Variants in GANC observed in about 807,000 individuals in gnomAD.
The protein encoded by GANC is glucosidase alpha, neutral C.
In GANC, 117 loss-of-function variants were observed where a neutral mutation model predicts 124.2. The ratio of observed to expected loss-of-function variants is 0.94; its 90% CI spans 0.81 to 1.10. GANC has a LOEUF of 1.10. Among genes scored for constraint, GANC ranks in the 50% least tolerant of loss-of-function variants. GANC has a pLI of 0.00. For missense variants in GANC, 1,140 were observed against 1,095.0 expected (o/e 1.04, Z -0.58); for synonymous variants, 377 against 376.8 (o/e 1.00, Z -0.01).
chr15:42,273,221 T>C lies in GANC; in HGVS notation c.-1261T>C, dbSNP rs372089086. 304 of 1,612,786 alleles carry C rather than the reference T, an allele frequency of 1.9e-4. 3 individuals are homozygous for C. The South Asian group carries it at 2.2e-3, about 12-fold the overall frequency. On this transcript the variant is annotated 5_prime_UTR_variant, in exon 1 of 24. Transcript: ENST00000318010. Reference sequence around the variant, plus strand: ...CCGCCGTAGCCCCACCCCTTGCTCCTCTAGGTTCAGACGTTAGTGAAGTGA... The same window carrying C: ...CCGCCGTAGCCCCACCCCTTGCTCCCCTAGGTTCAGACGTTAGTGAAGTGA...
intron 6 of GANC, among the ~76,000 whole-genome samples, chr15:42,298,315 G>A (rs2051910968): frequency 6.6e-6 from 1 of 152,158 alleles, no homozygotes; most frequent in Non-Finnish European, 1.5e-5. Context: ...ATGTAACGAG[G>A]CTAGAAAGAC....
At chr15:42,349,592 A>G (rs1011509720) in intron 22 of GANC, 97 bp downstream of exon 22, 12 of 743,428 alleles carry the variant, frequency 1.6e-5, no homozygotes, top group Admixed American at 7.0e-5. Flanking sequence ...TTAAGTTACT[A>G]TTTAAAGAAA....
At chr15:42,333,206 T>C (rs1174057904) in intron 15 of GANC, among the ~76,000 whole-genome samples, 1 of 151,464 alleles carries the variant, frequency 6.6e-6, no homozygotes, top group African/African-American at 2.4e-5. Flanking sequence ...CACATGCCTG[T>C]AGTCCCAGCT....
chr15:42,345,891 G>T, intron 20 of GANC, 59 bp downstream of exon 20: 1 of 1,213,812 alleles, frequency 8.2e-7, no homozygotes. Context: ...GGCTAGGGCT[G>T]CCATGACAAA....
chr15:42,346,870 GC>G (rs1420946924), intron 20 of GANC, among the ~76,000 whole-genome samples: 1 of 152,058 alleles, frequency 6.6e-6, no homozygotes, highest in African/African-American at 2.4e-5. Context: ...ACTACTACAG[GC>G]CCAAAGTAGT....
chr15:42,329,437 C>T lies in GANC; in HGVS notation c.1632C>T (p.Tyr544=), dbSNP rs778286123. 2.1e-5 allele frequency: 33 copies of T among 1,608,786 alleles called. No individual in the cohort carries two copies. Among genetic ancestry groups the T allele is most frequent in the African/African-American group, 6.7e-5 (5 of 74,650 alleles). The change falls in exon 14 of 24, where the codon TAC becomes TAT. Residue 544 remains tyrosine (Y), a synonymous_variant. Coordinates refer to ENST00000318010, the MANE Select transcript of GANC (RefSeq NM_198141.3). ...AGCACAGAGAGCTCCACAACATCTA[C>T]GGTTTTTATCATGTAAGACATCCAA... is the stretch of plus-strand genomic sequence containing the variant. ...NWEHRELHNI[Y]GFYHQMATAE...
At position 42,329,743 on chromosome 15, in the gene GANC, A is replaced by G. The variant is rs995919936; in HGVS notation, c.1644+294A>G. Among the ~76,000 whole-genome samples the G allele has an allele frequency of 3.9e-5, 6 of 152,334 alleles. No individual in the cohort carries two copies. The East Asian group carries it at 1.2e-3, about 29-fold the overall frequency. On this transcript the variant is annotated intron_variant, in intron 14 of 23. Transcript: ENST00000318010. ...TAATAAGTGGCACTCACTGGCCACT[A>G]CCTCAAACTTTTATTGATGCAAGCA...
rs753891439 is a variant in GANC, at chr15:42,326,266, G to A, written c.1294-32G>A. 4.7e-6 allele frequency: 7 copies of A among 1,496,194 alleles called. No homozygotes were observed. The South Asian group carries it at 8.0e-5, about 17-fold the overall frequency. The allele number at this position is 1,496,194 out of a possible 1,614,324, so 92.7% of individuals were successfully genotyped here. A position where few individuals can be genotyped will look rare whatever the true frequency, so the allele number is the denominator to read the frequency against. On this transcript the variant is annotated intron_variant, in intron 11 of 23. Transcript: ENST00000318010. ...GTGAACATTTGTCTTACATAAAACTGATGAGACCTCCAAACCTTCATGTCC... is the reference window on the plus strand; with the variant it reads ...GTGAACATTTGTCTTACATAAAACTAATGAGACCTCCAAACCTTCATGTCC...
chr15:42,307,274 C>T (rs369595979), intron 7 of GANC, among the ~76,000 whole-genome samples: 2 of 151,960 alleles, frequency 1.3e-5, no homozygotes, highest in South Asian at 2.1e-4. Context: ...CAGAATGCCC[C>T]AAATTAAAAG....
chr15:42,284,053 A>G (rs562120121), intron 3 of GANC: 1 of 698,058 alleles, frequency 1.4e-6, no homozygotes, highest in Admixed American at 2.0e-5. Context: ...CACAGCTGGT[A>G]GAGGTGGCCA....
intron 10 of GANC, among the ~76,000 whole-genome samples, chr15:42,316,369 TGC>T (rs2052101981): frequency 6.6e-6 from 1 of 152,068 alleles, no homozygotes; most frequent in Non-Finnish European, 1.5e-5. Flanking sequence ...TGATATTTAT[TGC>T]ATACAAGACA....
chr15:42,338,616 T>G, intron 16 of GANC, 126 bp downstream of exon 16: 5 of 706,356 alleles, frequency 7.1e-6, no homozygotes, highest in Non-Finnish European at 1.2e-5. Context: ...AAAGAAAAAA[T>G]GTGAGAAAGT....
At position 42,274,316 on chromosome 15, in the gene GANC, G is replaced by A; in HGVS notation, c.-166G>A. On this transcript the variant is annotated 5_prime_UTR_variant, in exon 1 of 24. Transcript: ENST00000318010. ...GGCCTGAAAAATTCCAGGAGCAAGA[G>A]TCAAGATTTGTCACTCCATGAGAAT... 1 of 684,360 alleles carries A rather than the reference G, an allele frequency of 1.5e-6. No homozygotes were observed. The highest frequency in any genetic ancestry group is 2.5e-6 in the Non-Finnish European group (1 of 401,026). The allele number at this position is 684,360 out of a possible 1,614,324, so 42.4% of individuals were successfully genotyped here. A position where few individuals can be genotyped will look rare whatever the true frequency, so the allele number is the denominator to read the frequency against.
At chr15:42,310,970 T>C in intron 10 of GANC, 124 bp downstream of exon 10, 1 of 1,044,500 alleles carries the variant, frequency 9.6e-7, no homozygotes, top group Non-Finnish European at 1.4e-6. Flanking sequence ...AGCATTTTAA[T>C]TAGCAAGCAT....
intron 6 of GANC, among the ~76,000 whole-genome samples, chr15:42,298,798 A>G (rs1162354812): frequency 1.3e-5 from 2 of 152,092 alleles, no homozygotes; most frequent in Admixed American, 1.3e-4. Flanking sequence ...CTGTATTCCT[A>G]GGTATTTTAT....
At chr15:42,313,932 A>G in intron 10 of GANC, 4 of 608,762 alleles carry the variant, frequency 6.6e-6, no homozygotes, top group Non-Finnish European at 1.2e-5. Flanking sequence ...CGCCTAGACA[A>G]CAGAGCGAGA....
At chr15:42,301,303 T>C (rs4924655) in intron 6 of GANC, among the ~76,000 whole-genome samples, 138,409 of 152,198 alleles carry the variant, frequency 0.91, 64,304 homozygotes, top group Non-Finnish European at 1. Flanking sequence ...TGAGAGACTG[T>C]GCTGTGAGGA....
In GANC at chr15:42,322,014, G is replaced by T; in HGVS notation, c.1287G>T (p.Lys429Asn). 6.2e-7 allele frequency: 1 copy of T among 1,609,342 alleles called. No individual in the cohort carries two copies. The highest frequency in any genetic ancestry group is 1.7e-5 in the Admixed American group (1 of 59,104). Residue 429 changes from lysine to asparagine, a missense_variant, in exon 11 of 24, where the codon AAG (lysine) becomes AAT (asparagine). Coordinates refer to ENST00000318010, the MANE Select transcript of GANC (RefSeq NM_198141.3). ...KRMQELLRSK[K>N]RKLVVISDPH... ...TGCAAGAGCTGCTCAGGAGCAAAAA[G>T]CGTAAGGTAAAATAAGCCAACATTT...
intron 3 of GANC, among the ~76,000 whole-genome samples, chr15:42,280,077 C>G (rs1387043297): frequency 6.6e-6 from 1 of 152,186 alleles, no homozygotes; most frequent in Non-Finnish European, 1.5e-5. Flanking sequence ...AGAATCATAT[C>G]AACAGTTCTG....
Sources: gnomAD v4.1 joint callset for allele counts (sites outside exome capture counted in the v4.1 genomes callset) on GRCh38, gnomAD v4.1.1 for gene constraint, MANE v1.5 for transcripts, NCBI Gene and HGNC (gene_info 2026-07-23, HGNC 2026-07-21) for gene names.